The following TEC variants were observed in gnomAD, a reference collection of about 807,000 sequenced individuals.
TEC encodes the protein tyrosine-protein kinase Tec.
TEC carries 72 observed loss-of-function variants against 93.0 expected under a neutral mutation model. The ratio of observed to expected loss-of-function variants is 0.77; its 90% confidence interval spans 0.64 to 0.94. The LOEUF is 0.94. Ranked by LOEUF, TEC falls within the 40% of genes least tolerant of loss-of-function variation. TEC has a pLI of 0.00. For synonymous variants in TEC, 249 were observed against 247.7 expected, an observed-to-expected ratio of 1.01 and a Z score of -0.05; for missense variants, 630 against 757.9, an observed-to-expected ratio of 0.83 and a Z score of 1.98.
chr4:48,210,348 T>G (rs765210347), intron 2 of TEC, among the ~76,000 whole-genome samples: 3 of 151,910 alleles, frequency 2.0e-5, no homozygotes, highest in East Asian at 1.9e-4. Flanking sequence ...TTAGCAGGAA[T>G]AGTGGCACGT....
intron 1 of TEC, among the ~76,000 whole-genome samples, chr4:48,246,764 C>A (rs1724068365): frequency 6.6e-6 from 1 of 152,018 alleles, no homozygotes; most frequent in Admixed American, 6.6e-5. Context: ...CAAAATGGAT[C>A]AAAGATTTAA....
chr4:48,217,305 T>A (rs1203988866), intron 2 of TEC, among the ~76,000 whole-genome samples: 1 of 152,214 alleles, frequency 6.6e-6, no homozygotes, highest in Non-Finnish European at 1.5e-5. Flanking sequence ...GGTTTCACCA[T>A]GTTGGCTAGG....
rs576289110 is a variant in TEC at position 48,261,521 on chromosome 4, T to C, written c.-46+8231A>G. On this transcript the variant is annotated intron_variant, in intron 1 of 17. Transcript: ENST00000381501. The stretch of plus-strand genomic sequence containing the variant: ...AATCCCACAAGTCGTGGTTGAAACA[T>C]AATATTGAGGAGTATGTGAGGACAT... Among the ~76,000 whole-genome samples the C allele has an allele frequency of 9.2e-5, 14 of 152,326 alleles. No homozygotes were observed. The South Asian group carries it at 2.9e-3, about 32-fold the overall frequency.
intron 1 of TEC, among the ~76,000 whole-genome samples, chr4:48,266,005 A>T (rs1166221151): frequency 6.6e-6 from 1 of 152,230 alleles, no homozygotes; most frequent in East Asian, 1.9e-4. Flanking sequence ...TACACAGATT[A>T]CAAGAAAAAG....
In TEC at chr4:48,176,099, T is replaced by C; in HGVS notation, c.226A>G (p.Asn76Asp). 6.2e-7 allele frequency: 1 copy of C among 1,613,768 alleles called. No individual in the cohort carries two copies. ...CAGCTCACCTGAAATGGATACTTAT[T>C]TTGACAGGGAATGACACCATCATCA... ...KNDDGVIPCQ[N>D]KYPFQVVHDA... The change falls in exon 3 of 18, where the codon AAT becomes GAT. Residue 76 changes from asparagine to aspartate, a missense_variant. By Grantham distance (23) the Asn-to-Asp change is conservative. Coordinates refer to ENST00000381501, the MANE Select transcript of TEC (RefSeq NM_003215.3).
intron 2 of TEC, among the ~76,000 whole-genome samples, chr4:48,195,677 T>C (rs555237465): frequency 2.8e-4 from 42 of 152,332 alleles, no homozygotes; most frequent in Non-Finnish European, 4.6e-4. Flanking sequence ...GTTAAACAAA[T>C]TGATCAAGGG....
At chr4:48,262,754 G>A (rs931367633) in intron 1 of TEC, among the ~76,000 whole-genome samples, 2 of 152,164 alleles carry the variant, frequency 1.3e-5, no homozygotes, top group Non-Finnish European at 2.9e-5. Context: ...CCAAGCTTTT[G>A]TTCACAATGG....
At chr4:48,145,717 G>A (rs1158562816) in intron 12 of TEC, 138 bp from the exon 13 acceptor site, 1 of 956,742 alleles carries the variant, frequency 1.0e-6, no homozygotes, top group East Asian at 2.6e-5. Flanking sequence ...GTAAAACACA[G>A]AACAGACTTG....
rs1467096513 is a variant in TEC at position 48,225,701 on chromosome 4, T to TC, written c.138+2775_138+2776insG. On this transcript the variant is annotated intron_variant, in intron 2 of 17. Coordinates refer to ENST00000381501, the MANE Select transcript of TEC (RefSeq NM_003215.3). The stretch of plus-strand genomic sequence containing the variant: ...AGAAGCCAGATTCTTACAAAGTTTC[T>TC]TTTTTTTTCTTTTTTTTTCTTTTTT... Among the ~76,000 whole-genome samples the TC allele has an allele frequency of 9.9e-5, 14 of 140,890 alleles. No homozygotes were observed. The East Asian group carries it at 2.8e-3, about 28-fold the overall frequency. 92.4% of individuals were successfully genotyped at this position (140,890 alleles called of 152,430 possible). A position where few individuals can be genotyped will look rare whatever the true frequency, so the allele number is the denominator to read the frequency against.
At chr4:48,141,322 A>G in intron 15 of TEC, 33 bp downstream of exon 15, 1 of 1,597,744 alleles carries the variant, frequency 6.3e-7, no homozygotes, top group Non-Finnish European at 8.6e-7. Context: ...AAAAATGCAA[A>G]CATCACCTAA....
At chr4:48,183,226 G>T (rs970871467) in intron 2 of TEC, among the ~76,000 whole-genome samples, 2 of 152,178 alleles carry the variant, frequency 1.3e-5, no homozygotes. Flanking sequence ...TCCTTTCTCC[G>T]TAGAAATAGG....
At chr4:48,212,692 G>A (rs772443848) in intron 2 of TEC, among the ~76,000 whole-genome samples, 7 of 152,158 alleles carry the variant, frequency 4.6e-5, no homozygotes, top group South Asian at 2.1e-4. Flanking sequence ...ATTACACTTG[G>A]AAACCCAATG....
intron 4 of TEC, 108 bp from the exon 5 acceptor site, chr4:48,170,484 T>C: frequency 1.3e-6 from 1 of 769,112 alleles, no homozygotes; most frequent in Non-Finnish European, 2.0e-6. Flanking sequence ...CTATGTTTAC[T>C]ATAAGAACGC....
At chr4:48,175,558 G>T (rs992399349) in intron 3 of TEC, among the ~76,000 whole-genome samples, 2 of 152,138 alleles carry the variant, frequency 1.3e-5, no homozygotes, top group Non-Finnish European at 2.9e-5. Flanking sequence ...AGCTCAGGAC[G>T]CCGGACCCTC....
chr4:48,203,725 CA>C (rs1444984113), intron 2 of TEC, among the ~76,000 whole-genome samples: 2 of 152,102 alleles, frequency 1.3e-5, no homozygotes, highest in East Asian at 1.9e-4. Flanking sequence ...GGCTTTTTAG[CA>C]GAGAAAAGTT....
rs528090090 is a variant in TEC, at chr4:48,175,056, T to C, written c.243+1026A>G. Among the ~76,000 whole-genome samples the C allele has an allele frequency of 2.6e-5, 4 of 152,312 alleles. No homozygotes were observed. The East Asian group carries it at 7.7e-4, about 29-fold the overall frequency. ...CAGTTTGGCCTCAGAGTCACCTCTC[T>C]AAGCACTTACTGTCCCTGTCCTTCA... On this transcript the variant is annotated intron_variant, in intron 3 of 17. Coordinates refer to ENST00000381501, the MANE Select transcript of TEC (RefSeq NM_003215.3).
At chr4:48,156,599 G>A in intron 9 of TEC, 81 bp downstream of exon 9, 1 of 1,256,700 alleles carries the variant, frequency 8.0e-7, no homozygotes, top group Non-Finnish European at 1.1e-6. Context: ...CATTTAGAAA[G>A]AGAGATATGT....
chr4:48,252,365 C>T (rs1471143569), intron 1 of TEC, among the ~76,000 whole-genome samples: 3 of 152,188 alleles, frequency 2.0e-5, no homozygotes, highest in African/African-American at 7.2e-5. Flanking sequence ...CATAGTATCT[C>T]ACTGAGTCTG....
chr4:48,246,702 T>A (rs1020693497), intron 1 of TEC, among the ~76,000 whole-genome samples: 5 of 152,212 alleles, frequency 3.3e-5, no homozygotes, highest in Non-Finnish European at 7.3e-5. Flanking sequence ...TAGGGATAAC[T>A]GGATACAAAT....
Sources: allele counts gnomAD v4.1 joint callset (sites outside exome capture counted in the v4.1 genomes callset), GRCh38; gene constraint gnomAD v4.1.1; transcripts MANE v1.5; gene names NCBI Gene and HGNC (gene_info 2026-07-23, HGNC 2026-07-21).